The following RTRAF variants were observed in gnomAD, a reference collection of about 807,000 sequenced individuals.
The protein encoded by RTRAF is RNA transcription, translation and transport factor, also known as tRNA-splicing ligase complex subunit RTRAF.
RTRAF carries 14 observed loss-of-function variants against 34.4 expected under a neutral mutation model. The ratio of observed to expected loss-of-function variants is 0.41; its 90% CI spans 0.27 to 0.64. The LOEUF (loss-of-function observed/expected upper bound fraction) is 0.64. Ranked by LOEUF, RTRAF falls within the 30% of genes least tolerant of loss-of-function variation. The pLI is 0.34. For missense variants in RTRAF, 291 were observed against 288.4 expected, an observed-to-expected ratio of 1.01 and a Z score of -0.06; for synonymous variants, 96 against 95.3, an observed-to-expected ratio of 1.01 and a Z score of -0.04.
chr14:52,005,726 A>C lies in RTRAF; in HGVS notation c.*1210A>C. 1 of 1,601,030 alleles carries C rather than the reference A, an allele frequency of 6.2e-7. No individual in the cohort carries two copies. Among genetic ancestry groups the C allele is most frequent in the Non-Finnish European group, 8.6e-7 (1 of 1,168,074 alleles). On this transcript the variant is annotated 3_prime_UTR_variant, in exon 8 of 8. Transcript: ENST00000261700. The stretch of plus-strand genomic sequence containing the variant: ...CTAATTTAAAGGAGCATCCTAAAGC[A>C]TACTTTTTACCTGTTGGGCAGTAGG...
intron 6 of RTRAF, among the ~76,000 whole-genome samples, chr14:52,002,684 AGT>A (rs1343699294): frequency 6.6e-6 from 1 of 152,236 alleles, no homozygotes; most frequent in Non-Finnish European, 1.5e-5. Context: ...CAGCAGCAGC[AGT>A]GTCTGATAAC....
chr14:51,999,832 T>C, intron 5 of RTRAF, 36 bp downstream of exon 5: 1 of 1,446,016 alleles, frequency 6.9e-7, no homozygotes, highest in African/African-American at 1.4e-5. Flanking sequence ...ACAGAAACTG[T>C]GCACATAGAA....
chr14:51,996,468 T>G (rs1209504877), intron 3 of RTRAF, among the ~76,000 whole-genome samples: 2 of 152,138 alleles, frequency 1.3e-5, no homozygotes, highest in East Asian at 3.8e-4. Context: ...TTTGGTAGCT[T>G]GTCAACATGA....
Position 52,005,194 on chromosome 14 carries a change from C to CTTTTAAATATTAATGATAAATG in RTRAF, c.*682_*703dup, listed in dbSNP as rs1172815207. The CTTTTAAATATTAATGATAAATG allele has an allele frequency of 3.5e-6, 1 of 287,088 alleles. No individual in the cohort carries two copies. Among genetic ancestry groups the CTTTTAAATATTAATGATAAATG allele is most frequent in the East Asian group, 6.0e-5 (1 of 16,688 alleles). 17.8% of individuals were successfully genotyped at this position (287,088 alleles called of 1,614,324 possible). ...TAATTCTTAGTTGAATGAATTTGATCTTTTAAATATTAATGATAAATGTTT... is the reference window on the plus strand; with the variant it reads ...TAATTCTTAGTTGAATGAATTTGATCTTTTAAATATTAATGATAAATGTTTTAAATATTAATGATAAATGTTT... On this transcript the variant is annotated 3_prime_UTR_variant, in exon 8 of 8. Transcript: ENST00000261700.
At position 52,006,288 on chromosome 14, in the gene RTRAF, C is replaced by A; in HGVS notation, c.*1772C>A. The A allele has an allele frequency of 2.2e-6, 1 of 450,590 alleles. No individual in the cohort carries two copies. The highest frequency in any genetic ancestry group is 4.0e-6 in the Non-Finnish European group (1 of 247,766). The allele number at this position is 450,590 out of a possible 1,614,324, so 27.9% of individuals were successfully genotyped here. ...TCCCTTTTGAGACATTATCCAATAGCTTTGCTACTTTTTAAGCTATATGTG... is the reference window on the plus strand; with the variant it reads ...TCCCTTTTGAGACATTATCCAATAGATTTGCTACTTTTTAAGCTATATGTG... On this transcript the variant is annotated 3_prime_UTR_variant, in exon 8 of 8. Transcript: ENST00000261700.
chr14:52,002,453 G>T (rs969145980), intron 6 of RTRAF, among the ~76,000 whole-genome samples: 17 of 152,178 alleles, frequency 1.1e-4, no homozygotes, highest in African/African-American at 4.1e-4. Context: ...TTGTCAGTCT[G>T]CCCAGGTGAA....
chr14:51,996,148 A>C (rs1176830281), intron 3 of RTRAF, among the ~76,000 whole-genome samples: 1 of 152,150 alleles, frequency 6.6e-6, no homozygotes, highest in Non-Finnish European at 1.5e-5. Flanking sequence ...GAATAAAAGA[A>C]GCTTGTGTGT....
rs1220995719 is a variant in RTRAF at position 52,004,359 on chromosome 14, C to T, written c.581-3C>T. 4 of 1,613,010 alleles carry T rather than the reference C, an allele frequency of 2.5e-6. No individual in the cohort carries two copies. Among genetic ancestry groups the T allele is most frequent in the Non-Finnish European group, 3.4e-6 (4 of 1,179,564 alleles). On this transcript the variant is annotated splice_region_variant and splice_polypyrimidine_tract_variant and intron_variant, in intron 7 of 7. Transcript: ENST00000261700. ...GAAGCAGTGTTCTTTTCTCATAAAA[C>T]AGATGCAGTTCTTAATGAAGCTGCT...
At chr14:51,991,920 A>G (rs993555003) in intron 2 of RTRAF, among the ~76,000 whole-genome samples, 1 of 152,156 alleles carries the variant, frequency 6.6e-6, no homozygotes, top group Non-Finnish European at 1.5e-5. Flanking sequence ...ATAGAAAGTT[A>G]TCTGGGTGTG....
rs574970809 is a variant in RTRAF, at chr14:51,991,563, G to T, written c.186+122G>T. 22 of 1,178,064 alleles carry T rather than the reference G, an allele frequency of 1.9e-5. No individual in the cohort carries two copies. The East Asian group carries it at 5.9e-4, about 32-fold the overall frequency. 73.0% of individuals were successfully genotyped at this position (1,178,064 alleles called of 1,614,324 possible). A position where few individuals can be genotyped will look rare whatever the true frequency, so the allele number is the denominator to read the frequency against. On this transcript the variant is annotated intron_variant, in intron 2 of 7. Coordinates refer to ENST00000261700, the MANE Select transcript of RTRAF (RefSeq NM_016039.3). ...ATAATGATCAGTGTTAGGAAAGCTG[G>T]ATTTCAGGGATTTTGCTTTTTTCTT...
In RTRAF at chr14:52,008,103, G is replaced by A. The variant is rs1594995890; in HGVS notation, c.*3587G>A. On this transcript the variant is annotated 3_prime_UTR_variant, in exon 8 of 8. Coordinates refer to ENST00000261700, the MANE Select transcript of RTRAF (RefSeq NM_016039.3). ...ATCCCCTTGAGTTTGGGCTGCATTA[G>A]TAGTGTCTTGCTTCTTCTAGTGCAT... The A allele has an allele frequency of 2.2e-6, 1 of 452,240 alleles. No homozygotes were observed. Among genetic ancestry groups the A allele is most frequent in the African/African-American group, 3.0e-5 (1 of 33,096 alleles). 28.0% of individuals were successfully genotyped at this position (452,240 alleles called of 1,614,324 possible).
rs770598326 is a variant in RTRAF at position 52,006,695 on chromosome 14, G to C, written c.*2179G>C. 77 of 1,610,484 alleles carry C rather than the reference G, an allele frequency of 4.8e-5. No individual in the cohort carries two copies. Among genetic ancestry groups the C allele is most frequent in the Non-Finnish European group, 6.0e-5 (71 of 1,177,652 alleles). On this transcript the variant is annotated 3_prime_UTR_variant, in exon 8 of 8. Coordinates refer to ENST00000261700, the MANE Select transcript of RTRAF (RefSeq NM_016039.3). ...CAAAGGGGGAAAATGAGGTCCTTCA[G>C]CTGCTTTGCCAAAAATGATAGTGAC...
intron 6 of RTRAF, among the ~76,000 whole-genome samples, chr14:52,003,012 A>C (rs1000824771): frequency 2.0e-5 from 3 of 152,212 alleles, no homozygotes; most frequent in Non-Finnish European, 4.4e-5. Context: ...TCATTCATTC[A>C]TTCCTTCAGC....
Position 52,005,222 on chromosome 14 carries a change from A to G in RTRAF, c.*706A>G. ...TTAAATATTAATGATAAATGTTTAC[A>G]AGAAGTTGCTTTAATAAGCAACAGT... On this transcript the variant is annotated 3_prime_UTR_variant, in exon 8 of 8. Coordinates refer to ENST00000261700, the MANE Select transcript of RTRAF (RefSeq NM_016039.3). The G allele has an allele frequency of 2.8e-6, 1 of 353,384 alleles. No homozygotes were observed. The highest frequency in any genetic ancestry group is 5.1e-6 in the Non-Finnish European group (1 of 197,014). The allele number at this position is 353,384 out of a possible 1,614,324, so 21.9% of individuals were successfully genotyped here.
intron 6 of RTRAF, among the ~76,000 whole-genome samples, chr14:52,002,769 C>G (rs1003201378): frequency 1.3e-5 from 2 of 152,308 alleles, no homozygotes; most frequent in South Asian, 2.1e-4. Context: ...TCCCTGCGCC[C>G]TTCCCCCATC....
At chr14:52,004,334 G>T (rs771691181) in intron 7 of RTRAF, 28 bp from the exon 8 acceptor site, 1 of 1,611,184 alleles carries the variant, frequency 6.2e-7, no homozygotes, top group Non-Finnish European at 8.5e-7. Flanking sequence ...ATTATGTATT[G>T]AAGCAGTGTT....
rs183080709 is a variant in RTRAF, at chr14:51,992,168, G to T, written c.186+727G>T. ...CTTGAATCATTTTCCCATTGATTTA[G>T]TTTTAGTAACACTTTTGCATAAAAA... On this transcript the variant is annotated intron_variant, in intron 2 of 7. Transcript: ENST00000261700. Among the ~76,000 whole-genome samples the T allele has an allele frequency of 7.2e-5, 11 of 152,204 alleles. No homozygotes were observed. The East Asian group carries it at 1.7e-3, about 24-fold the overall frequency.
chr14:51,998,529 A>G lies in RTRAF; in HGVS notation c.322A>G (p.Lys108Glu). 2 of 1,591,338 alleles carry G rather than the reference A, an allele frequency of 1.3e-6. No homozygotes were observed. The highest frequency in any genetic ancestry group is 1.8e-5 in the Admixed American group (1 of 56,386). ...KYKDLVPDNS[K>E]TADNATKNAE... ...CAAGGATTTAGTACCTGATAATTCA[A>G]AAACTGCTGACAATGCAACTAAAAA... The change falls in exon 4 of 8, where the codon AAA becomes GAA. Residue 108 changes from lysine to glutamate, a missense_variant. Transcript: ENST00000261700.
chr14:51,997,517 T>C (rs970373385), intron 3 of RTRAF, among the ~76,000 whole-genome samples: 1 of 151,974 alleles, frequency 6.6e-6, no homozygotes, highest in Non-Finnish European at 1.5e-5. Flanking sequence ...CCTCGTTTCA[T>C]TAACAGATCC....
Sources: gnomAD v4.1 joint callset for allele counts (sites outside exome capture counted in the v4.1 genomes callset) on GRCh38, gnomAD v4.1.1 for gene constraint, MANE v1.5 for transcripts, NCBI Gene and HGNC (gene_info 2026-07-23, HGNC 2026-07-21) for gene names.